Variants in RYR2 observed in about 807,000 individuals in gnomAD.
RYR2 encodes the protein ryanodine receptor 2.
RYR2 carries 227 observed loss-of-function variants against 601.1 expected under a neutral mutation model. The ratio of observed to expected loss-of-function variants is 0.38; its 90% confidence interval spans 0.34 to 0.42. The LOEUF (loss-of-function observed/expected upper bound fraction) is 0.42. Ranked by LOEUF, RYR2 falls within the 10% of genes least tolerant of loss-of-function variation. The pLI is 1.00. For synonymous variants in RYR2, 2,223 were observed against 2,175.1 expected (o/e 1.02, Z -0.61); for missense variants, 4,646 against 6,156.5 (o/e 0.75, Z 8.21).
chr1:237,814,695 GA>G (rs1292669573), intron 100 of RYR2, among the ~76,000 whole-genome samples: 2 of 152,070 alleles, frequency 1.3e-5, no homozygotes, highest in East Asian at 3.9e-4. Flanking sequence ...GTAGAAAGAT[GA>G]TTGTGGCTAG....
chr1:237,689,126 G>A (rs923746845), intron 63 of RYR2, among the ~76,000 whole-genome samples: 5 of 152,078 alleles, frequency 3.3e-5, no homozygotes, highest in African/African-American at 1.2e-4. Context: ...AAATTAGCCA[G>A]GTGCAGTGGT....
chr1:237,614,943 T>C lies in RYR2; in HGVS notation c.5715+100T>C. On this transcript the variant is annotated intron_variant, in intron 37 of 104. Transcript: ENST00000366574. This position sits in a 1 kb window ranked among gnomAD's most constrained non-coding sequence, Gnocchi z 4.3. ...TTCTCTGTGTGTGTGTTTATTTCTT[T>C]GCATTCCTGTGTAATGGTAGTTCTT... 1 of 1,201,524 alleles carries C rather than the reference T, an allele frequency of 8.3e-7. No homozygotes were observed. Among genetic ancestry groups the C allele is most frequent in the Non-Finnish European group, 1.1e-6 (1 of 874,278 alleles). 74.4% of individuals were successfully genotyped at this position (1,201,524 alleles called of 1,614,324 possible). A position where few individuals can be genotyped will look rare whatever the true frequency, so the allele number is the denominator to read the frequency against.
At chr1:237,260,417 C>T (rs1461300223) in intron 1 of RYR2, among the ~76,000 whole-genome samples, 1 of 152,162 alleles carries the variant, frequency 6.6e-6, no homozygotes, top group Non-Finnish European at 1.5e-5. Flanking sequence ...GGAGAAAATT[C>T]CCGAAGGTGA....
chr1:237,598,502 A>G (rs143500649), intron 34 of RYR2, among the ~76,000 whole-genome samples: 1 of 152,364 alleles, frequency 6.6e-6, no homozygotes, highest in East Asian at 1.9e-4. Context: ...ATCAATACTG[A>G]GAGGAACTGA....
chr1:237,794,168 T>A (rs1027768514), intron 95 of RYR2, among the ~76,000 whole-genome samples, 171 bp downstream of exon 95: 1 of 152,144 alleles, frequency 6.6e-6, no homozygotes, highest in Non-Finnish European at 1.5e-5. Flanking sequence ...ATGGTGGATG[T>A]CCTCAATTTT....
chr1:237,583,431 A>G (rs1674154678), intron 29 of RYR2, among the ~76,000 whole-genome samples: 1 of 152,170 alleles, frequency 6.6e-6, no homozygotes, highest in Non-Finnish European at 1.5e-5. Flanking sequence ...AACTACCTAT[A>G]GAAACTTAGA....
intron 1 of RYR2, among the ~76,000 whole-genome samples, chr1:237,216,066 T>C (rs554322385): frequency 6.6e-6 from 1 of 152,260 alleles, no homozygotes; most frequent in South Asian, 2.1e-4. Flanking sequence ...GATATTTAAC[T>C]AAGGAAATAA....
chr1:237,708,039 C>T (rs992007733), intron 68 of RYR2, among the ~76,000 whole-genome samples: 3 of 151,730 alleles, frequency 2.0e-5, no homozygotes, highest in Non-Finnish European at 4.4e-5. Context: ...ACCTCGGCCT[C>T]CCAAAGTGCT....
chr1:237,253,025 C>A (rs984384888), intron 1 of RYR2, among the ~76,000 whole-genome samples: 1 of 151,850 alleles, frequency 6.6e-6, no homozygotes, highest in African/African-American at 2.4e-5. Flanking sequence ...ATGAGCCGGG[C>A]GTGGTGGTAC....
chr1:237,389,651 C>A (rs1284882113), intron 10 of RYR2, among the ~76,000 whole-genome samples: 1 of 152,192 alleles, frequency 6.6e-6, no homozygotes, highest in Non-Finnish European at 1.5e-5. Context: ...GAGAAGGTAT[C>A]TAATCCAGCG....
At chr1:237,826,252 C>T (rs1488946650) in intron 101 of RYR2, among the ~76,000 whole-genome samples, 5 of 152,110 alleles carry the variant, frequency 3.3e-5, no homozygotes, top group African/African-American at 7.2e-5. Context: ...ATAGCAAAGA[C>T]TTGGAACCAA....
chr1:237,488,996 C>G (rs1163750916), intron 17 of RYR2, among the ~76,000 whole-genome samples: 1 of 152,054 alleles, frequency 6.6e-6, no homozygotes, highest in Non-Finnish European at 1.5e-5. Flanking sequence ...TTACAGGCCG[C>G]GTGGACCATG....
intron 80 of RYR2, among the ~76,000 whole-genome samples, chr1:237,744,934 C>G (rs1314621224): frequency 6.6e-5 from 10 of 151,436 alleles, no homozygotes. Flanking sequence ...GTAGCTAGGA[C>G]TACAGTGGCG....
At chr1:237,661,368 G>A (rs1683776903) in intron 56 of RYR2, among the ~76,000 whole-genome samples, 1 of 152,088 alleles carries the variant, frequency 6.6e-6, no homozygotes, top group Non-Finnish European at 1.5e-5. Context: ...CTAGGGGAGG[G>A]ATAGCATTAA....
chr1:237,487,081 A>G (rs1662762661), intron 17 of RYR2, among the ~76,000 whole-genome samples: 1 of 152,104 alleles, frequency 6.6e-6, no homozygotes, highest in Admixed American at 6.6e-5. Context: ...CTTTCATTCC[A>G]TAATACTGTT....
chr1:237,775,091 A>C (rs1415382990), intron 87 of RYR2, among the ~76,000 whole-genome samples: 1 of 151,694 alleles, frequency 6.6e-6, no homozygotes, highest in African/African-American at 2.4e-5. Context: ...AAAAAAAAAA[A>C]AAAACAGAAG....
chr1:237,495,578 G>A (rs563415190), intron 19 of RYR2, among the ~76,000 whole-genome samples: 10 of 152,206 alleles, frequency 6.6e-5, no homozygotes, highest in East Asian at 5.8e-4. Flanking sequence ...CAGACCTGCC[G>A]TTTATGAGTG....
At chr1:237,664,490 T>C (rs1014411679) in intron 56 of RYR2, among the ~76,000 whole-genome samples, 3 of 152,140 alleles carry the variant, frequency 2.0e-5, no homozygotes, top group Non-Finnish European at 4.4e-5. Flanking sequence ...TGGTGGAAGG[T>C]AACAGGCACA....
intron 1 of RYR2, among the ~76,000 whole-genome samples, chr1:237,237,722 G>A (rs1356925654): frequency 5.3e-5 from 8 of 152,126 alleles, no homozygotes; most frequent in Admixed American, 5.2e-4. Flanking sequence ...TCTACATTTT[G>A]TAGAGAATCC....
Sources: gnomAD v4.1 joint callset for allele counts (sites outside exome capture counted in the v4.1 genomes callset) on GRCh38, gnomAD v4.1.1 for gene constraint, Gnocchi (gnomAD v3.1) non-coding constraint, MANE v1.5 for transcripts, NCBI Gene and HGNC (gene_info 2026-07-23, HGNC 2026-07-21) for gene names.